The following PALD1 variants were observed in gnomAD, a reference collection of about 807,000 sequenced individuals.
PALD1 encodes the protein phosphatase domain containing paladin 1.
PALD1 carries 57 observed loss-of-function variants against 96.0 expected under a neutral mutation model. The ratio of observed to expected loss-of-function variants is 0.59; its 90% CI spans 0.48 to 0.74. The LOEUF (loss-of-function observed/expected upper bound fraction) is 0.74. PALD1 is among the 30% of genes least tolerant of loss of function. The pLI is 0.00. For synonymous variants in PALD1, 464 were observed against 473.6 expected (o/e 0.98, Z 0.26); for missense variants, 1,063 against 1,143.7 (o/e 0.93, Z 1.02).
At chr10:70,535,276 A>G (rs899426213) in intron 10 of PALD1, among the ~76,000 whole-genome samples, 5 of 152,248 alleles carry the variant, frequency 3.3e-5, no homozygotes, top group African/African-American at 1.2e-4. Flanking sequence ...TAGCGAAAGG[A>G]GGTGGGCTTG....
At position 70,518,874 on chromosome 10, in the gene PALD1, C is replaced by T. The variant is rs181144087; in HGVS notation, c.-29-7049C>T. On this transcript the variant is annotated intron_variant, in intron 1 of 19. Transcript: ENST00000263563. ...ATGAGTCACACACTCTCGACCAACA[C>T]AGTGACTGACTAGCATAATTCCATA... Among the ~76,000 whole-genome samples the T allele has an allele frequency of 3.3e-5, 5 of 152,358 alleles. No individual in the cohort carries two copies. The East Asian group carries it at 9.6e-4, about 29-fold the overall frequency.
At chr10:70,556,291 T>C (rs12776911) in intron 18 of PALD1, among the ~76,000 whole-genome samples, 68 of 53,680 alleles carry the variant, frequency 1.3e-3, no homozygotes, top group South Asian at 3.5e-3. Flanking sequence ...TCTCTCTCTC[T>C]CTCTCTCTCT....
Position 70,534,437 on chromosome 10 carries a change from G to A in PALD1, c.1035G>A (p.Thr345=). The part of the protein sequence containing the change: ...GTTSQPEAAP[T]QAKPLPMEQF... ...CCTGCCTCGACAGGGCTGCCCCCAC[G>A]CAGGCCAAGCCCCTGCCTATGGAGC... Residue 345 remains threonine, a synonymous_variant, in exon 9 of 20, where the codon ACG becomes ACA. Transcript: ENST00000263563. 5.6e-6 allele frequency: 9 copies of A among 1,610,016 alleles called. No homozygotes were observed. Among genetic ancestry groups the A allele is most frequent in the Non-Finnish European group, 7.6e-6 (9 of 1,178,062 alleles).
rs551842816 is a variant in PALD1, at chr10:70,489,010, T to G, written c.-30+9951T>G. ...ATGACCCCGACTTGGCTGCCGCTGG[T>G]GGGGGCTTCTTCCCGTCTCTCTGAA... is the stretch of plus-strand genomic sequence containing the variant. On this transcript the variant is annotated intron_variant, in intron 1 of 19. Transcript: ENST00000263563. 2.0e-5 allele frequency among the ~76,000 whole-genome samples: 3 copies of G among 152,166 alleles called. No homozygotes were observed. The South Asian group carries it at 6.2e-4, about 32-fold the overall frequency.
At chr10:70,529,680 C>T (rs1203468947) in intron 3 of PALD1, among the ~76,000 whole-genome samples, 1 of 152,142 alleles carries the variant, frequency 6.6e-6, no homozygotes, top group Non-Finnish European at 1.5e-5. Context: ...TTTCCTTTTC[C>T]TACACTTTAT....
intron 17 of PALD1, among the ~76,000 whole-genome samples, chr10:70,542,869 C>T (rs1380197088): frequency 6.6e-6 from 1 of 152,122 alleles, no homozygotes; most frequent in Non-Finnish European, 1.5e-5. Context: ...AGTATATGCA[C>T]CATTTTACAT....
intron 1 of PALD1, among the ~76,000 whole-genome samples, chr10:70,523,521 C>T (rs1846784547): frequency 6.6e-6 from 1 of 152,190 alleles, no homozygotes; most frequent in Admixed American, 6.5e-5. Context: ...AGGTTCCGCT[C>T]TGCCCTTGGC....
chr10:70,533,381 ATGTGTTTGTGTG>A (rs1338533909), intron 7 of PALD1, among the ~76,000 whole-genome samples: 1 of 147,340 alleles, frequency 6.8e-6, no homozygotes, highest in African/African-American at 2.5e-5. Context: ...CTGTGTGTGT[ATGTGTTTGTGTG>A]TGTGTACCTG....
At chr10:70,484,613 C>T (rs959223684) in intron 1 of PALD1, among the ~76,000 whole-genome samples, 3 of 151,640 alleles carry the variant, frequency 2.0e-5, no homozygotes, top group Admixed American at 6.6e-5. Context: ...GATCTCAGCT[C>T]ACTCAAGCTC....
rs746693434 is a variant in PALD1, at chr10:70,530,637, C to G, written c.468+569C>G. Among the ~76,000 whole-genome samples, 10 of 152,172 alleles carry G rather than the reference C, an allele frequency of 6.6e-5. No homozygotes were observed. The South Asian group carries it at 2.1e-3, about 32-fold the overall frequency. On this transcript the variant is annotated intron_variant, in intron 4 of 19. Coordinates refer to ENST00000263563, the MANE Select transcript of PALD1 (RefSeq NM_014431.3). ...GTTTTGCGTGTCCCTAGGACACAGG[C>G]TGAGGGTCTGCTGCGATTGTAGGCT...
chr10:70,532,600 G>A (rs1264948662), intron 5 of PALD1, 21 bp from the exon 6 acceptor site: 2 of 1,611,218 alleles, frequency 1.2e-6, no homozygotes, highest in Non-Finnish European at 8.5e-7. Context: ...ATGGCCCTCT[G>A]ACCCCCACAC....
At chr10:70,545,516 G>A (rs1847344193) in intron 17 of PALD1, among the ~76,000 whole-genome samples, 1 of 152,034 alleles carries the variant, frequency 6.6e-6, no homozygotes, top group Non-Finnish European at 1.5e-5. Flanking sequence ...GGCTGGGAGG[G>A]CCTGTGGGGG....
intron 1 of PALD1, among the ~76,000 whole-genome samples, chr10:70,489,353 CCATCCCCTG>C (rs911735435): frequency 3.3e-5 from 5 of 151,968 alleles, no homozygotes; most frequent in African/African-American, 1.2e-4. Flanking sequence ...TAGATGAACC[CCATCCCCTG>C]CATCCTAAAG....
Position 70,541,192 on chromosome 10 carries a change from C to T in PALD1, c.1999C>T (p.Arg667Cys), listed in dbSNP as rs770655070. Residue 667 changes from arginine to cysteine, a missense_variant, in exon 16 of 20, where the codon CGT becomes TGT. Physicochemically the swap from Arg to Cys is radical, Grantham distance 180. Transcript: ENST00000263563. ...GTTCAGCTGCCTCAGCGGCCAGGGC[C>T]GTACCACAACTGCGATGGTGGTGGC... ...FVFSCLSGQG[R>C]TTTAMVVAVL... The T allele has an allele frequency of 3.2e-5, 51 of 1,613,792 alleles. No individual in the cohort carries two copies. The highest frequency in any genetic ancestry group is 3.3e-4 in the Middle Eastern group (2 of 6,080).
At chr10:70,467,530 T>A in the PALD1 span, among the ~76,000 whole-genome samples, 9 of 152,254 alleles carry the variant, frequency 5.9e-5, no homozygotes, top group African/African-American at 2.2e-4. Flanking sequence ...CCCCGCACAG[T>A]TCGCGGGGAA....
rs570897409 is a variant in PALD1 at position 70,540,567 on chromosome 10, G to T, written c.1909-535G>T. Among the ~76,000 whole-genome samples, 1 of 152,036 alleles carries T rather than the reference G, an allele frequency of 6.6e-6. No homozygotes were observed. Among genetic ancestry groups the T allele is most frequent in the Non-Finnish European group, 1.5e-5 (1 of 67,980 alleles). On this transcript the variant is annotated intron_variant, in intron 15 of 19. Transcript: ENST00000263563. The surrounding 1 kb of genome is among the most constrained non-coding windows in gnomAD (Gnocchi z 4.2). Reference sequence around the variant, plus strand: ...GTGGTGCGTGTGTTGTAGGTGGGTCGCTGTGTGCTGTGTAACTGGCAATGG... The same window carrying T: ...GTGGTGCGTGTGTTGTAGGTGGGTCTCTGTGTGCTGTGTAACTGGCAATGG...
chr10:70,495,081 C>T (rs1041889822), intron 1 of PALD1, among the ~76,000 whole-genome samples: 5 of 152,202 alleles, frequency 3.3e-5, no homozygotes, highest in Admixed American at 6.5e-5. Context: ...ACCGGAGACT[C>T]GCTGTCTCCT....
At chr10:70,465,428 G>GT in the PALD1 span, among the ~76,000 whole-genome samples, 2 of 152,194 alleles carry the variant, frequency 1.3e-5, no homozygotes, top group African/African-American at 4.8e-5. Context: ...TGCTGACTCT[G>GT]TAGAAGGCAG....
At chr10:70,514,823 G>A (rs1846588139) in intron 1 of PALD1, among the ~76,000 whole-genome samples, 1 of 152,178 alleles carries the variant, frequency 6.6e-6, no homozygotes, top group Non-Finnish European at 1.5e-5. Context: ...AGCATGGGGT[G>A]CTTTGAGGTG....
Sources: gnomAD v4.1 joint callset for allele counts (sites outside exome capture counted in the v4.1 genomes callset) on GRCh38, gnomAD v4.1.1 for gene constraint, Gnocchi (gnomAD v3.1) non-coding constraint, MANE v1.5 for transcripts, NCBI Gene and HGNC (gene_info 2026-07-23, HGNC 2026-07-21) for gene names.